Variants in WWOX observed in about 807,000 individuals in gnomAD.
WWOX encodes the protein WW domain-containing oxidoreductase.
WWOX carries 69 observed loss-of-function variants against 46.2 expected under a neutral mutation model. The observed-to-expected ratio is 1.49, with a 90% CI of 1.23 to 1.82. WWOX has a LOEUF of 1.82. Ranked by LOEUF, WWOX falls within the 40% of genes most tolerant of loss-of-function variation. WWOX has a pLI of 0.00. For synonymous variants in WWOX, 359 were observed against 202.6 expected (o/e 1.77, Z -6.56); for missense variants, 919 against 542.6 (o/e 1.69, Z -6.89).
chr16:78,409,577 C>G (rs1264329357), intron 6 of WWOX, among the ~76,000 whole-genome samples: 1 of 152,186 alleles, frequency 6.6e-6, no homozygotes, highest in Admixed American at 6.5e-5. Context: ...CAAACATACA[C>G]TATCTCACTC....
At chr16:78,381,937 C>T (rs565370470) in intron 5 of WWOX, among the ~76,000 whole-genome samples, 7 of 152,310 alleles carry the variant, frequency 4.6e-5, no homozygotes, top group African/African-American at 1.7e-4. Context: ...ACGATCATGT[C>T]TCACGGCAGC....
chr16:78,218,255 TTATATA>T (rs1011767521), intron 5 of WWOX, among the ~76,000 whole-genome samples: 1 of 151,714 alleles, frequency 6.6e-6, no homozygotes, highest in South Asian at 2.1e-4. Flanking sequence ...GCATGTGTGT[TTATATA>T]TATATATTTG....
chr16:78,270,964 T>C (rs56364915), intron 5 of WWOX, among the ~76,000 whole-genome samples: 21,107 of 152,192 alleles, frequency 0.14, 1,604 homozygotes, highest in Middle Eastern at 0.25. Flanking sequence ...AATAGTTGCA[T>C]TGAAAGGCCT....
intron 8 of WWOX, among the ~76,000 whole-genome samples, chr16:78,924,461 T>G (rs1032992752): frequency 7.9e-5 from 12 of 152,218 alleles, no homozygotes. Flanking sequence ...AGTTAAAATA[T>G]CTCACTTAAA....
intron 5 of WWOX, among the ~76,000 whole-genome samples, chr16:78,291,900 G>T (rs930604646): frequency 6.6e-6 from 1 of 151,930 alleles, no homozygotes; most frequent in Non-Finnish European, 1.5e-5. Flanking sequence ...TGTGCCTTCG[G>T]GATTGATAGA....
At chr16:78,569,745 A>C (rs952413033) in intron 8 of WWOX, among the ~76,000 whole-genome samples, 1 of 152,200 alleles carries the variant, frequency 6.6e-6, no homozygotes, top group Non-Finnish European at 1.5e-5. Flanking sequence ...TTCATTTATA[A>C]AGTGCTTCTT....
intron 8 of WWOX, among the ~76,000 whole-genome samples, chr16:78,458,960 T>C (rs1373298494): frequency 2.0e-5 from 3 of 152,176 alleles, no homozygotes; most frequent in Non-Finnish European, 4.4e-5. Flanking sequence ...TTAATTTACT[T>C]CCGTCACAAA....
intron 8 of WWOX, among the ~76,000 whole-genome samples, chr16:78,859,023 AAAAAATATAT>A (rs2052645440): frequency 3.0e-5 from 1 of 33,294 alleles, no homozygotes; most frequent in African/African-American, 1.6e-4. Context: ...AAAAAAAAAA[AAAAAATATAT>A]ATATATATAT....
intron 5 of WWOX, among the ~76,000 whole-genome samples, chr16:78,245,692 A>G (rs1410292837): frequency 6.6e-6 from 1 of 152,256 alleles, no homozygotes; most frequent in East Asian, 1.9e-4. Flanking sequence ...TTGTCATCCC[A>G]TAGAATGCCA....
chr16:78,441,532 G>A (rs990464444), intron 8 of WWOX, among the ~76,000 whole-genome samples: 5 of 152,128 alleles, frequency 3.3e-5, no homozygotes, highest in East Asian at 3.9e-4. Flanking sequence ...TGTAAGGGAC[G>A]TATCCAGCGG....
At chr16:78,953,317 G>A (rs969205697) in intron 8 of WWOX, among the ~76,000 whole-genome samples, 15 of 152,040 alleles carry the variant, frequency 9.9e-5, no homozygotes, top group African/African-American at 3.6e-4. Context: ...TGGGGGGCAT[G>A]TTTAACCTAC....
At chr16:78,539,516 T>C (rs17777718) in intron 8 of WWOX, among the ~76,000 whole-genome samples, 1 of 152,158 alleles carries the variant, frequency 6.6e-6, no homozygotes, top group Admixed American at 6.5e-5. Context: ...TGAAAAAATA[T>C]TTAGTTAATT....
At chr16:79,099,894 A>G (rs1448291531) in intron 8 of WWOX, among the ~76,000 whole-genome samples, 1 of 152,204 alleles carries the variant, frequency 6.6e-6, no homozygotes, top group Non-Finnish European at 1.5e-5. Context: ...CTTATGCAAT[A>G]GTAGGGTTGC....
intron 8 of WWOX, among the ~76,000 whole-genome samples, chr16:78,773,450 T>A (rs956850900): frequency 1.3e-5 from 2 of 152,200 alleles, no homozygotes; most frequent in African/African-American, 4.8e-5. Context: ...GGGACATTCC[T>A]CCCTCATTTA....
chr16:78,356,766 C>T (rs1165427183), intron 5 of WWOX, among the ~76,000 whole-genome samples: 1 of 152,066 alleles, frequency 6.6e-6, no homozygotes, highest in Non-Finnish European at 1.5e-5. Flanking sequence ...CCTGTAATCC[C>T]AGCGACTCGG....
intron 8 of WWOX, among the ~76,000 whole-genome samples, chr16:79,007,402 A>C (rs777974236): frequency 1.3e-5 from 2 of 152,188 alleles, no homozygotes; most frequent in Non-Finnish European, 2.9e-5. Flanking sequence ...TGGCCCTGAG[A>C]CACTCAGAGA....
rs370948204 is a variant in WWOX, at chr16:79,145,098, C to G, written c.1057-66510C>G. 9.8e-4 allele frequency among the ~76,000 whole-genome samples: 149 copies of G among 152,230 alleles called. 1 individual carries two copies. The highest frequency in any genetic ancestry group is 6.8e-3 in the Middle Eastern group (2 of 294). The stretch of plus-strand genomic sequence containing the variant: ...TTGAATGGTGCCACTGATTATGGGT[C>G]AGAGCTTGTTGAAAGGGTATTAATC... On this transcript the variant is annotated intron_variant, in intron 8 of 8. Transcript: ENST00000566780.
intron 4 of WWOX, among the ~76,000 whole-genome samples, chr16:78,143,288 G>C (rs986018909): frequency 3.3e-5 from 5 of 152,144 alleles, no homozygotes; most frequent in Admixed American, 3.3e-4. Flanking sequence ...TGAACTTGCT[G>C]TTATAATTAT....
At position 78,304,178 on chromosome 16, in the gene WWOX, C is replaced by T. The variant is rs533845071; in HGVS notation, c.517-82682C>T. Among the ~76,000 whole-genome samples the T allele has an allele frequency of 9.2e-5, 14 of 152,334 alleles. No homozygotes were observed. The South Asian group carries it at 2.7e-3, about 29-fold the overall frequency. ...CTTCTCCCGATCAGCTGTTTGTTAT[C>T]TGAGGGATTCGTTAATAACCAGGAC... On this transcript the variant is annotated intron_variant, in intron 5 of 8. Coordinates refer to ENST00000566780, the MANE Select transcript of WWOX (RefSeq NM_016373.4).
Sources: allele counts gnomAD v4.1 joint callset (sites outside exome capture counted in the v4.1 genomes callset), GRCh38; gene constraint gnomAD v4.1.1; transcripts MANE v1.5; gene names NCBI Gene and HGNC (gene_info 2026-07-23, HGNC 2026-07-21).